The following PPP2R5E variants were observed in gnomAD, a reference collection of about 807,000 sequenced individuals.
PPP2R5E encodes serine/threonine-protein phosphatase 2A 56 kDa regulatory subunit epsilon isoform.
Under a neutral mutation model 65.3 loss-of-function variants are expected in PPP2R5E, and 4 were observed. That is an observed-to-expected ratio of 0.06 (90% CI 0.03 to 0.14). The LOEUF is 0.14. Ranked by LOEUF, PPP2R5E falls within the 10% of genes least tolerant of loss-of-function variation. The pLI is 1.00. For missense variants in PPP2R5E, 274 were observed against 556.1 expected (o/e 0.49, Z 5.10); for synonymous variants, 183 against 187.4 (o/e 0.98, Z 0.19).
intron 5 of PPP2R5E, among the ~76,000 whole-genome samples, chr14:63,413,404 T>TCTC (rs1490601744): frequency 2.0e-5 from 3 of 152,158 alleles, no homozygotes; most frequent in African/African-American, 4.8e-5. Flanking sequence ...GAGGGCTACT[T>TCTC]CTCCCTTGAA....
chr14:63,403,637 G>GAA (rs746448979), intron 5 of PPP2R5E, among the ~76,000 whole-genome samples: 3 of 107,444 alleles, frequency 2.8e-5, no homozygotes, highest in Admixed American at 9.6e-5. Context: ...AGGTCTCCAA[G>GAA]AAAAAAAAAA....
intron 13 of PPP2R5E, among the ~76,000 whole-genome samples, chr14:63,378,686 C>A (rs1027988698): frequency 1.3e-5 from 2 of 152,138 alleles, no homozygotes. Context: ...GAAATTTTAA[C>A]GCTTAACCAC....
chr14:63,371,886 CA>C lies in PPP2R5E; in HGVS notation c.*4122del, dbSNP rs1335213911. On this transcript the variant is annotated 3_prime_UTR_variant, in exon 14 of 14. Coordinates refer to ENST00000337537, the MANE Select transcript of PPP2R5E (RefSeq NM_006246.5). Reference sequence around the variant, plus strand: ...TGAAGCTAAAGCGAAGTCCTCAAACCAAAAGCAACAGACATGTCATTCTCAT... The same window carrying C: ...TGAAGCTAAAGCGAAGTCCTCAAACCAAAGCAACAGACATGTCATTCTCAT... 1 of 152,020 alleles carries C rather than the reference CA, an allele frequency of 6.6e-6. No individual in the cohort carries two copies. The highest frequency in any genetic ancestry group is 1.5e-5 in the Non-Finnish European group (1 of 67,998). 9.4% of individuals were successfully genotyped at this position (152,020 alleles called of 1,614,324 possible).
intron 2 of PPP2R5E, among the ~76,000 whole-genome samples, chr14:63,490,964 T>C (rs781111070): frequency 1.3e-5 from 2 of 150,622 alleles, no homozygotes; most frequent in African/African-American, 2.4e-5. Flanking sequence ...CTATTCACAA[T>C]AGGAAAGATA....
intron 3 of PPP2R5E, among the ~76,000 whole-genome samples, chr14:63,427,735 G>C (rs546496008): frequency 6.6e-6 from 1 of 152,274 alleles, no homozygotes; most frequent in African/African-American, 2.4e-5. Flanking sequence ...TCAAAACCTG[G>C]ACAACCCCTC....
At chr14:63,437,989 T>A (rs1888027565) in intron 3 of PPP2R5E, among the ~76,000 whole-genome samples, 1 of 152,188 alleles carries the variant, frequency 6.6e-6, no homozygotes, top group Non-Finnish European at 1.5e-5. Flanking sequence ...GCATTTCTAC[T>A]CTATAGTCTA....
At chr14:63,447,817 T>C (rs948231177) in intron 3 of PPP2R5E, among the ~76,000 whole-genome samples, 1 of 152,142 alleles carries the variant, frequency 6.6e-6, no homozygotes, top group Non-Finnish European at 1.5e-5. Flanking sequence ...TTGGAACACT[T>C]AAAGGCCATT....
At chr14:63,398,561 G>T (rs540626948) in intron 5 of PPP2R5E, among the ~76,000 whole-genome samples, 1 of 152,348 alleles carries the variant, frequency 6.6e-6, no homozygotes, top group Non-Finnish European at 1.5e-5. Context: ...TGGAGGCCGA[G>T]GGGGTAGATC....
chr14:63,466,796 T>C (rs1279775102), intron 2 of PPP2R5E, among the ~76,000 whole-genome samples: 1 of 149,316 alleles, frequency 6.7e-6, no homozygotes, highest in Non-Finnish European at 1.5e-5. Context: ...TACATATGTG[T>C]ATGTATGTAT....
chr14:63,521,933 A>ACGCTGC (rs1343903279), intron 2 of PPP2R5E, among the ~76,000 whole-genome samples: 3 of 146,562 alleles, frequency 2.0e-5, no homozygotes, highest in Non-Finnish European at 4.5e-5. Context: ...CAAAGGTTAC[A>ACGCTGC]CGCTGCCCTC....
intron 2 of PPP2R5E, among the ~76,000 whole-genome samples, chr14:63,532,165 C>T (rs1244193875): frequency 3.3e-5 from 5 of 152,040 alleles, no homozygotes; most frequent in African/African-American, 1.2e-4. Flanking sequence ...TTAAATCCAA[C>T]CAAGGATTTA....
intron 13 of PPP2R5E, among the ~76,000 whole-genome samples, chr14:63,377,426 AAT>A (rs1884053142): frequency 1.3e-5 from 2 of 152,204 alleles, no homozygotes; most frequent in Non-Finnish European, 2.9e-5. Flanking sequence ...TATCTAGAGC[AAT>A]AGAGATTAAT....
At chr14:63,529,361 CTTTTTT>C (rs557363996) in intron 2 of PPP2R5E, among the ~76,000 whole-genome samples, 1 of 129,646 alleles carries the variant, frequency 7.7e-6, no homozygotes. Context: ...AGCCCAAAGA[CTTTTTT>C]TTTTTTTTTT....
At chr14:63,403,771 A>G (rs1428375809) in intron 5 of PPP2R5E, among the ~76,000 whole-genome samples, 1 of 151,870 alleles carries the variant, frequency 6.6e-6, no homozygotes, top group African/African-American at 2.4e-5. Context: ...AAAATAAGGC[A>G]CCTATTTTCC....
intron 13 of PPP2R5E, among the ~76,000 whole-genome samples, chr14:63,379,130 G>A (rs1884164343): frequency 6.6e-6 from 1 of 151,596 alleles, no homozygotes; most frequent in Admixed American, 6.6e-5. Flanking sequence ...CTGGGTTCAC[G>A]CCATTCTCCT....
chr14:63,395,461 G>A (rs1885282211), intron 6 of PPP2R5E, among the ~76,000 whole-genome samples, 176 bp from the exon 7 acceptor site: 1 of 14,466 alleles, frequency 6.9e-5, no homozygotes, highest in Non-Finnish European at 1.6e-4. Context: ...GGAGGAGGAG[G>A]AGGGGGGAAG....
intron 3 of PPP2R5E, among the ~76,000 whole-genome samples, chr14:63,443,669 C>T (rs1888345769): frequency 1.3e-5 from 2 of 152,100 alleles, no homozygotes; most frequent in South Asian, 4.1e-4. Context: ...CTACTTTCCA[C>T]ATCTAGGTCT....
intron 2 of PPP2R5E, among the ~76,000 whole-genome samples, chr14:63,468,178 G>A (rs1336600514): frequency 6.6e-6 from 1 of 152,198 alleles, no homozygotes; most frequent in African/African-American, 2.4e-5. Flanking sequence ...TTGTCACAGT[G>A]ATAGCACGAG....
chr14:63,433,039 T>TTG (rs1180500248), intron 3 of PPP2R5E, among the ~76,000 whole-genome samples: 95 of 139,972 alleles, frequency 6.8e-4, no homozygotes, highest in Non-Finnish European at 8.7e-4. Context: ...TTTGTTTTTT[T>TTG]TTTTTTTTTT....
Sources: gnomAD v4.1 joint callset for allele counts (sites outside exome capture counted in the v4.1 genomes callset) on GRCh38, gnomAD v4.1.1 for gene constraint, MANE v1.5 for transcripts, NCBI Gene and HGNC (gene_info 2026-07-23, HGNC 2026-07-21) for gene names.